Variants in FAM98B observed in about 807,000 individuals in gnomAD.
The protein encoded by FAM98B is tRNA-splicing ligase complex subunit FAM98B.
A neutral mutation model predicts 43.9 loss-of-function variants in FAM98B; 32 were observed. That is an observed-to-expected ratio of 0.73 (90% CI 0.55 to 0.98). The LOEUF is 0.98. Ranked by LOEUF, FAM98B falls within the 50% of genes least tolerant of loss-of-function variation. The pLI is 0.00. For synonymous variants in FAM98B, 190 were observed against 174.0 expected (o/e 1.09, Z -0.72); for missense variants, 514 against 522.9 (o/e 0.98, Z 0.17).
chr15:38,472,642 C>T (rs11073328), intron 4 of FAM98B, among the ~76,000 whole-genome samples: 14,331 of 151,952 alleles, frequency 0.094, 827 homozygotes, highest in South Asian at 0.15. Flanking sequence ...CAGAAGAAAC[C>T]TCAACTGTGC....
intron 6 of FAM98B, 63 bp from the exon 7 acceptor site, chr15:38,481,228 AT>A: frequency 7.3e-7 from 1 of 1,377,386 alleles, no homozygotes; most frequent in Non-Finnish European, 1.0e-6. Context: ...AAAGATTATG[AT>A]TGTTTTTGCT....
At chr15:38,470,202 ATTAT>A (rs1449394704) in intron 3 of FAM98B, 21 bp from the exon 4 acceptor site, 6 of 1,352,618 alleles carry the variant, frequency 4.4e-6, no homozygotes, top group South Asian at 1.5e-5. Context: ...ATGTATTAAC[ATTAT>A]TTATTTTCTC....
intron 1 of FAM98B, among the ~76,000 whole-genome samples, chr15:38,459,927 T>C (rs1383751438): frequency 6.6e-6 from 1 of 151,906 alleles, no homozygotes; most frequent in African/African-American, 2.4e-5. Context: ...CAGAGAGAGG[T>C]AGAGAGTTGG....
intron 4 of FAM98B, 95 bp downstream of exon 4, chr15:38,470,500 A>G (rs7162389): frequency 0.28 from 313,639 of 1,111,262 alleles, 46,546 homozygotes; most frequent in East Asian, 0.54. Context: ...ATTATGAGGT[A>G]TACATTTTAT....
In FAM98B at chr15:38,481,238, C is replaced by T. The variant is rs1308295443; in HGVS notation, c.730-54C>T. On this transcript the variant is annotated intron_variant, in intron 6 of 7. Transcript: ENST00000397609. Reference sequence around the variant, plus strand: ...TTTCTAAAGATTATGATTGTTTTTGCTCTTTCATTAAAATGTACTTTTGTT... The same window carrying T: ...TTTCTAAAGATTATGATTGTTTTTGTTCTTTCATTAAAATGTACTTTTGTT... The T allele has an allele frequency of 2.1e-6, 3 of 1,431,876 alleles. No homozygotes were observed. The African/African-American group carries it at 4.2e-5, about 20-fold the overall frequency. 88.7% of individuals were successfully genotyped at this position (1,431,876 alleles called of 1,614,324 possible). A position where few individuals can be genotyped will look rare whatever the true frequency, so the allele number is the denominator to read the frequency against.
chr15:38,480,763 G>A (rs143930787), intron 6 of FAM98B, among the ~76,000 whole-genome samples: 100 of 152,102 alleles, frequency 6.6e-4, no homozygotes, highest in Non-Finnish European at 1.3e-3. Context: ...TATTTGGTAG[G>A]ATTATATTTC....
rs1331067791 is a variant in FAM98B at position 38,487,232 on chromosome 15, A to T, written c.*2573A>T. 6.6e-6 allele frequency: 1 copy of T among 152,108 alleles called. No individual in the cohort carries two copies. Among genetic ancestry groups the T allele is most frequent in the East Asian group, 1.9e-4 (1 of 5,198 alleles). The allele number at this position is 152,108 out of a possible 1,614,324, so 9.4% of individuals were successfully genotyped here. A position where few individuals can be genotyped will look rare whatever the true frequency, so the allele number is the denominator to read the frequency against. ...TGAACTTACTTTTGTTTTGCAGATCAGGGAAACCTTGCCTCATTAAACAGA... is the reference window on the plus strand; with the variant it reads ...TGAACTTACTTTTGTTTTGCAGATCTGGGAAACCTTGCCTCATTAAACAGA... On this transcript the variant is annotated 3_prime_UTR_variant, in exon 8 of 8. Coordinates refer to ENST00000397609, the MANE Select transcript of FAM98B (RefSeq NM_173611.4).
intron 6 of FAM98B, among the ~76,000 whole-genome samples, chr15:38,475,286 T>C (rs1890180029): frequency 6.6e-6 from 1 of 152,178 alleles, no homozygotes; most frequent in Non-Finnish European, 1.5e-5. Flanking sequence ...GTGGTGCTTC[T>C]GTTACCTTCT....
chr15:38,455,916 A>G (rs551992364), intron 1 of FAM98B, among the ~76,000 whole-genome samples: 13 of 152,352 alleles, frequency 8.5e-5, no homozygotes, highest in African/African-American at 3.1e-4. Context: ...TGGAATAACT[A>G]TGAGGGCAAC....
intron 6 of FAM98B, among the ~76,000 whole-genome samples, chr15:38,476,620 A>T (rs1890204357): frequency 6.8e-6 from 1 of 147,690 alleles, no homozygotes; most frequent in African/African-American, 2.5e-5. Context: ...TATTTTTTAA[A>T]TTTCCATAAA....
rs1890364876 is a variant in FAM98B at position 38,485,992 on chromosome 15, G to T, written c.*1333G>T. 6.6e-6 allele frequency: 1 copy of T among 152,058 alleles called. No individual in the cohort carries two copies. Among genetic ancestry groups the T allele is most frequent in the Non-Finnish European group, 1.5e-5 (1 of 67,986 alleles). The allele number at this position is 152,058 out of a possible 1,614,324, so 9.4% of individuals were successfully genotyped here. ...TTAATGTGATCTAACCAACTCAACT[G>T]ATAGAAAGCTGAATTGTTCCCAGTG... On this transcript the variant is annotated 3_prime_UTR_variant, in exon 8 of 8. Coordinates refer to ENST00000397609, the MANE Select transcript of FAM98B (RefSeq NM_173611.4).
intron 3 of FAM98B, among the ~76,000 whole-genome samples, chr15:38,469,774 T>C (rs1260620201): frequency 5.5e-5 from 8 of 145,502 alleles, no homozygotes; most frequent in South Asian, 2.2e-4. Context: ...TGTAGTGCCC[T>C]TTTTTTTTTT....
At position 38,470,207 on chromosome 15, in the gene FAM98B, T is replaced by A. The variant is rs1890102361; in HGVS notation, c.353-20T>A. ...ATTCTTATACATGTATTAACATTAT[T>A]TATTTTCTCTTTATTGTAGTATTTT... On this transcript the variant is annotated intron_variant, in intron 3 of 7. Transcript: ENST00000397609. 7.3e-7 allele frequency: 1 copy of A among 1,367,238 alleles called. No homozygotes were observed. The highest frequency in any genetic ancestry group is 2.9e-5 in the Admixed American group (1 of 34,888). 84.7% of individuals were successfully genotyped at this position (1,367,238 alleles called of 1,614,324 possible).
chr15:38,474,209 C>CT lies in FAM98B; in HGVS notation c.643dup (p.Ser215PhefsTer3), dbSNP rs1566900027. 6.2e-7 allele frequency: 1 copy of CT among 1,613,702 alleles called. No individual in the cohort carries two copies. The highest frequency in any genetic ancestry group is 8.5e-7 in the Non-Finnish European group (1 of 1,179,726). ...ACAACTGGAAAGAATCAATGATGCT[C>CT]TTTCCTGTGAATATGAGTGCCGCCG... On this transcript the variant is annotated frameshift_variant, in exon 6 of 8. Coordinates refer to ENST00000397609, the MANE Select transcript of FAM98B (RefSeq NM_173611.4). LOFTEE classifies it high-confidence loss of function.
intron 7 of FAM98B, 53 bp from the exon 8 acceptor site, chr15:38,484,202 A>T: frequency 6.6e-7 from 1 of 1,511,982 alleles, no homozygotes; most frequent in Non-Finnish European, 8.9e-7. Context: ...TGAAACTTTT[A>T]TGTAAACTTT....
chr15:38,474,115 T>G, intron 5 of FAM98B, 67 bp from the exon 6 acceptor site: 1 of 1,206,708 alleles, frequency 8.3e-7, no homozygotes, highest in South Asian at 1.3e-5. Context: ...AGCACAATTT[T>G]CAGATTTCTT....
intron 6 of FAM98B, among the ~76,000 whole-genome samples, chr15:38,479,336 A>G (rs1234954798): frequency 6.6e-6 from 1 of 152,134 alleles, no homozygotes; most frequent in Non-Finnish European, 1.5e-5. Flanking sequence ...GTAACCCTAT[A>G]TGTAATTCCA....
In FAM98B at chr15:38,486,994, T is replaced by C. The variant is rs1566903027; in HGVS notation, c.*2335T>C. 6.6e-6 allele frequency: 1 copy of C among 152,118 alleles called. No homozygotes were observed. The highest frequency in any genetic ancestry group is 1.5e-5 in the Non-Finnish European group (1 of 67,950). The allele number at this position is 152,118 out of a possible 1,614,324, so 9.4% of individuals were successfully genotyped here. A position where few individuals can be genotyped will look rare whatever the true frequency, so the allele number is the denominator to read the frequency against. ...CTTTTTTGCCTGGTTCTCAATTTCA[T>C]TTTTTAATTACCTCATTGTCCTTCC... On this transcript the variant is annotated 3_prime_UTR_variant, in exon 8 of 8. Transcript: ENST00000397609.
chr15:38,475,272 A>G (rs1326677506), intron 6 of FAM98B, among the ~76,000 whole-genome samples: 1 of 152,012 alleles, frequency 6.6e-6, no homozygotes, highest in Non-Finnish European at 1.5e-5. Context: ...AGCTTCTCAT[A>G]AGTGTGGTGC....
Sources: allele counts gnomAD v4.1 joint callset (sites outside exome capture counted in the v4.1 genomes callset), GRCh38; gene constraint gnomAD v4.1.1; transcripts MANE v1.5; gene names NCBI Gene and HGNC (gene_info 2026-07-23, HGNC 2026-07-21).